The following CMIP variants were observed in gnomAD, a reference collection of about 807,000 sequenced individuals.
CMIP encodes the protein C-Maf-inducing protein.
Under a neutral mutation model 97.3 loss-of-function variants are expected in CMIP, and 13 were observed. The ratio of observed to expected loss-of-function variants is 0.13; its 90% CI spans 0.09 to 0.21. The LOEUF (loss-of-function observed/expected upper bound fraction) is 0.21, where lower values mean the gene tolerates loss of function less well. Ranked by LOEUF, CMIP falls within the 10% of genes least tolerant of loss-of-function variation. The pLI, the probability that CMIP is intolerant of heterozygous loss-of-function variation, is 1.00. For missense variants in CMIP, 847 were observed against 1,024.9 expected (o/e 0.83, Z 2.37); for synonymous variants, 538 against 436.3 (o/e 1.23, Z -2.91).
intron 1 of CMIP, among the ~76,000 whole-genome samples, chr16:81,606,263 T>C (rs1485187501): frequency 6.6e-6 from 1 of 152,224 alleles, no homozygotes; most frequent in Non-Finnish European, 1.5e-5. Context: ...CTCAGCTTCC[T>C]TGTCTATATG....
At chr16:81,493,350 G>GCGTTACCTGTCGTTACCTGT (rs59748854) in intron 1 of CMIP, among the ~76,000 whole-genome samples, 55 of 151,508 alleles carry the variant, frequency 3.6e-4, no homozygotes, top group Non-Finnish European at 5.5e-4. Context: ...CTCACCCTCC[G>GCGTTACCTGTCGTTACCTGT]CGTTACCTGT....
intron 1 of CMIP, among the ~76,000 whole-genome samples, chr16:81,589,600 A>T (rs1318907682): frequency 1.3e-5 from 2 of 151,946 alleles, no homozygotes; most frequent in Non-Finnish European, 2.9e-5. Flanking sequence ...GGGACGATGC[A>T]GGCATGCATG....
intron 1 of CMIP, among the ~76,000 whole-genome samples, chr16:81,501,269 A>G (rs2089605689): frequency 6.6e-6 from 1 of 152,240 alleles, no homozygotes; most frequent in African/African-American, 2.4e-5. Flanking sequence ...GAAAAGGAGA[A>G]CAACTTTGGG....
At chr16:81,670,079 GCTGCCCTGGGCTC>G (rs2092667278) in intron 7 of CMIP, 50 bp from the exon 8 acceptor site, 1 of 1,497,902 alleles carries the variant, frequency 6.7e-7, no homozygotes, top group Non-Finnish European at 9.1e-7. Flanking sequence ...TGGTGTCCTG[GCTGCCCTGGGCTC>G]CTGCCCTGCC....
intron 3 of CMIP, among the ~76,000 whole-genome samples, chr16:81,623,478 G>T (rs776351451): frequency 7.9e-5 from 12 of 152,174 alleles, no homozygotes; most frequent in Non-Finnish European, 1.6e-4. Flanking sequence ...TGCTCTCAGG[G>T]TGTAAGCTTT....
At chr16:81,479,053 A>G (rs1908100344) in intron 1 of CMIP, among the ~76,000 whole-genome samples, 1 of 152,174 alleles carries the variant, frequency 6.6e-6, no homozygotes, top group South Asian at 2.1e-4. Flanking sequence ...GTGGGAAGTG[A>G]AAGTGTGCAC....
intron 1 of CMIP, among the ~76,000 whole-genome samples, chr16:81,603,181 G>A (rs748026147): frequency 5.3e-5 from 8 of 152,116 alleles, no homozygotes; most frequent in Non-Finnish European, 2.9e-5. Flanking sequence ...CCGGGTTCAC[G>A]CCATTCTCCT....
intron 1 of CMIP, among the ~76,000 whole-genome samples, chr16:81,550,092 T>C (rs1386118253): frequency 6.6e-6 from 1 of 152,220 alleles, no homozygotes; most frequent in Non-Finnish European, 1.5e-5. Flanking sequence ...CCCACCCCTA[T>C]GGCTGTAGGA....
intron 1 of CMIP, among the ~76,000 whole-genome samples, chr16:81,457,228 G>C (rs1184657762): frequency 6.6e-6 from 1 of 152,006 alleles, no homozygotes; most frequent in African/African-American, 2.4e-5. Flanking sequence ...TGGAGCCAGG[G>C]CTTGCTCCCC....
At chr16:81,495,723 A>G (rs1475525669) in intron 1 of CMIP, among the ~76,000 whole-genome samples, 1 of 152,200 alleles carries the variant, frequency 6.6e-6, no homozygotes, top group East Asian at 1.9e-4. Context: ...GACTTGAGAC[A>G]TTGTGAGAGC....
chr16:81,502,552 G>A (rs555191500), intron 1 of CMIP, among the ~76,000 whole-genome samples: 2 of 152,264 alleles, frequency 1.3e-5, no homozygotes, highest in Admixed American at 6.5e-5. Context: ...TGTCACGTGC[G>A]CCAGGCATTT....
chr16:81,512,273 C>G (rs921670138), intron 1 of CMIP, among the ~76,000 whole-genome samples: 2 of 152,138 alleles, frequency 1.3e-5, no homozygotes, highest in Admixed American at 6.5e-5. Flanking sequence ...CCAGTTGCCT[C>G]ACTCCAGGGT....
intron 1 of CMIP, among the ~76,000 whole-genome samples, chr16:81,545,544 G>A (rs2090529555): frequency 6.6e-6 from 1 of 152,190 alleles, no homozygotes; most frequent in Non-Finnish European, 1.5e-5. Flanking sequence ...CACAGCTTAT[G>A]TGGCGAGCTC....
chr16:81,561,750 C>G (rs1414700420), intron 1 of CMIP, among the ~76,000 whole-genome samples: 4 of 152,172 alleles, frequency 2.6e-5, no homozygotes, highest in Non-Finnish European at 5.9e-5. Flanking sequence ...AGTCTAGTAG[C>G]CACTGGGCAT....
At chr16:81,680,077 G>C (rs1367692587) in intron 10 of CMIP, among the ~76,000 whole-genome samples, 1 of 152,198 alleles carries the variant, frequency 6.6e-6, no homozygotes, top group Non-Finnish European at 1.5e-5. Flanking sequence ...AGGGGTTCGG[G>C]GTATGGCTGT....
intron 1 of CMIP, among the ~76,000 whole-genome samples, chr16:81,449,642 T>A (rs1387425416): frequency 2.7e-5 from 4 of 149,728 alleles, no homozygotes; most frequent in Non-Finnish European, 4.4e-5. Flanking sequence ...TATTTGATGT[T>A]TTTTTGTGGC....
intron 3 of CMIP, among the ~76,000 whole-genome samples, chr16:81,638,159 T>G (rs1490884120): frequency 6.6e-6 from 1 of 152,182 alleles, no homozygotes; most frequent in African/African-American, 2.4e-5. Flanking sequence ...GCCTCCTCTG[T>G]CTCTCCTTTG....
At chr16:81,620,780 C>T in intron 2 of CMIP, 96 bp from the exon 3 acceptor site, 3 of 1,432,372 alleles carry the variant, frequency 2.1e-6, no homozygotes, top group South Asian at 1.2e-5. Context: ...ACGCTGTCTA[C>T]AGAGCAGGCT....
intron 3 of CMIP, among the ~76,000 whole-genome samples, chr16:81,623,813 G>C (rs79532099): frequency 0.025 from 3,795 of 152,302 alleles, 135 homozygotes; most frequent in African/African-American, 0.078. Context: ...GTACATGTGA[G>C]ATGCCAGGGC....
Sources: allele counts gnomAD v4.1 joint callset (sites outside exome capture counted in the v4.1 genomes callset), GRCh38; gene constraint gnomAD v4.1.1; transcripts MANE v1.5; gene names NCBI Gene and HGNC (gene_info 2026-07-23, HGNC 2026-07-21).